SH2D4B: variants seen among roughly 807,000 people sequenced by gnomAD.
SH2D4B encodes SH2 domain-containing protein 4B.
In SH2D4B, 45 loss-of-function variants were observed where a neutral mutation model predicts 61.5. The ratio of observed to expected loss-of-function variants is 0.73; its 90% confidence interval spans 0.58 to 0.94. The LOEUF (loss-of-function observed/expected upper bound fraction) is 0.94, where lower values mean the gene tolerates loss of function less well. Among genes scored for constraint, SH2D4B ranks in the 40% least tolerant of loss-of-function variants. The pLI, the probability that SH2D4B is intolerant of heterozygous loss-of-function variation, is 0.00. For missense variants in SH2D4B, 572 were observed against 574.2 expected, an observed-to-expected ratio of 1.00 and a Z score of 0.04; for synonymous variants, 224 against 220.4, an observed-to-expected ratio of 1.02 and a Z score of -0.14.
intron 1 of SH2D4B, among the ~76,000 whole-genome samples, chr10:80,557,973 C>G (rs1841859291): frequency 6.6e-6 from 1 of 152,062 alleles, no homozygotes; most frequent in African/African-American, 2.4e-5. Flanking sequence ...GCATTTGATG[C>G]TATAAATGTC....
At position 80,569,531 on chromosome 10, in the gene SH2D4B, G is replaced by A. The variant is rs142076952; in HGVS notation, c.185-623G>A. Reference sequence around the variant, plus strand: ...GAATTTTGGGTTTCTTTTATGTTAAGGGAAGGGGGAAGAGGCGGGGGGGTT... The same window carrying A: ...GAATTTTGGGTTTCTTTTATGTTAAAGGAAGGGGGAAGAGGCGGGGGGGTT... On this transcript the variant is annotated intron_variant, in intron 1 of 7. Coordinates refer to ENST00000646907, the MANE Select transcript of SH2D4B (RefSeq NM_001388272.1). Among the ~76,000 whole-genome samples the A allele has an allele frequency of 5.1e-3, 712 of 139,006 alleles. 8 individuals are homozygous for A. Among genetic ancestry groups the A allele is most frequent in the African/African-American group, 0.018 (682 of 38,620 alleles). The allele number at this position is 139,006 out of a possible 152,430, so 91.2% of individuals were successfully genotyped here.
At chr10:80,568,589 G>C (rs992997090) in intron 1 of SH2D4B, among the ~76,000 whole-genome samples, 2 of 152,274 alleles carry the variant, frequency 1.3e-5, no homozygotes, top group Non-Finnish European at 2.9e-5. Context: ...CTGACCTGCA[G>C]GTGCTGTGTG....
At chr10:80,599,874 C>T (rs1842431068) in intron 4 of SH2D4B, among the ~76,000 whole-genome samples, 1 of 152,130 alleles carries the variant, frequency 6.6e-6, no homozygotes, top group Non-Finnish European at 1.5e-5. Context: ...GAGGCTTTTC[C>T]TGCTCACACT....
At chr10:80,609,326 T>C in intron 5 of SH2D4B, 98 bp from the exon 6 acceptor site, 1 of 866,414 alleles carries the variant, frequency 1.2e-6, no homozygotes. Context: ...TCCTTTTACC[T>C]TCCTCTCCCT....
chr10:80,636,989 T>G (rs1233161054), intron 7 of SH2D4B, among the ~76,000 whole-genome samples: 1 of 152,220 alleles, frequency 6.6e-6, no homozygotes, highest in Non-Finnish European at 1.5e-5. Context: ...AGGGATCCAG[T>G]TTCAGCTTTC....
At chr10:80,540,988 A>G in intron 1 of SH2D4B, 1 of 1,233,810 alleles carries the variant, frequency 8.1e-7, no homozygotes. Context: ...TTGAGAAAGA[A>G]CTCGGGAATG....
chr10:80,591,523 T>C (rs1842326636), intron 4 of SH2D4B, among the ~76,000 whole-genome samples: 1 of 150,320 alleles, frequency 6.7e-6, no homozygotes, highest in South Asian at 2.2e-4. Context: ...TTTTTTTTTT[T>C]TGAGTCGGAG....
At chr10:80,594,345 T>A (rs568912793) in intron 4 of SH2D4B, among the ~76,000 whole-genome samples, 5 of 152,362 alleles carry the variant, frequency 3.3e-5, no homozygotes, top group South Asian at 2.1e-4. Flanking sequence ...CCCACTTCTT[T>A]ATAGCATATA....
In SH2D4B at chr10:80,613,060, G is replaced by A. The variant is rs546052434; in HGVS notation, c.988+3509G>A. On this transcript the variant is annotated intron_variant, in intron 6 of 7. Transcript: ENST00000646907. ...GTTTCCTGATGTTTCCTGGGATCTG[G>A]GGTCAACCACCAGAGGCTCCTTTGG... Among the ~76,000 whole-genome samples, 4 of 152,266 alleles carry A rather than the reference G, an allele frequency of 2.6e-5. No individual in the cohort carries two copies. In the East Asian group the frequency reaches 5.8e-4, roughly 22 times the overall value.
intron 1 of SH2D4B, among the ~76,000 whole-genome samples, chr10:80,543,924 C>T (rs1455215623): frequency 3.9e-5 from 6 of 151,912 alleles, no homozygotes; most frequent in African/African-American, 1.5e-4. Context: ...TTTTGTCTAG[C>T]TCAGGGATTG....
At chr10:80,634,981 T>A (rs1842880498) in intron 7 of SH2D4B, among the ~76,000 whole-genome samples, 1 of 152,188 alleles carries the variant, frequency 6.6e-6, no homozygotes. Flanking sequence ...TTATTTGAAC[T>A]CCAGCTTAAC....
chr10:80,620,691 T>G (rs1443086633), intron 6 of SH2D4B, among the ~76,000 whole-genome samples: 1 of 152,192 alleles, frequency 6.6e-6, no homozygotes, highest in African/African-American at 2.4e-5. Flanking sequence ...TAACTCAGTC[T>G]CTCTTAGCCT....
At chr10:80,627,946 C>T (rs367767126) in intron 6 of SH2D4B, among the ~76,000 whole-genome samples, 6 of 152,156 alleles carry the variant, frequency 3.9e-5, no homozygotes, top group East Asian at 1.9e-4. Flanking sequence ...CACCCTGGAG[C>T]GTTGGCTGGT....
intron 4 of SH2D4B, among the ~76,000 whole-genome samples, chr10:80,596,560 A>G (rs930634915): frequency 1.3e-5 from 2 of 152,108 alleles, no homozygotes; most frequent in Admixed American, 6.5e-5. Flanking sequence ...AGCCTGTAGG[A>G]GGGATGTCTT....
chr10:80,598,476 C>T (rs901359466), intron 4 of SH2D4B, among the ~76,000 whole-genome samples: 2 of 152,164 alleles, frequency 1.3e-5, no homozygotes, highest in Non-Finnish European at 2.9e-5. Flanking sequence ...AGTTCCTCAT[C>T]TTAGCCTTTC....
Position 80,542,551 on chromosome 10 carries a change from C to T in SH2D4B, c.184+4036C>T, listed in dbSNP as rs142977279. Among the ~76,000 whole-genome samples, 721 of 152,030 alleles carry T rather than the reference C, an allele frequency of 4.7e-3. 17 individuals carry two copies. The highest frequency in any genetic ancestry group is 0.043 in the East Asian group (224 of 5,158). ...TAGCTGGGATTACAGGCGCCCACCA[C>T]CACAACCAGCTAATTTTTGTATTTA... On this transcript the variant is annotated intron_variant, in intron 1 of 7. Coordinates refer to ENST00000646907, the MANE Select transcript of SH2D4B (RefSeq NM_001388272.1).
intron 4 of SH2D4B, among the ~76,000 whole-genome samples, chr10:80,595,785 A>G (rs1842378675): frequency 6.6e-6 from 1 of 152,272 alleles, no homozygotes; most frequent in South Asian, 2.1e-4. Flanking sequence ...CAGTTCTTCA[A>G]TCCCTCCTTA....
At chr10:80,556,266 C>G (rs1051425238) in intron 1 of SH2D4B, among the ~76,000 whole-genome samples, 3 of 152,124 alleles carry the variant, frequency 2.0e-5, no homozygotes. Flanking sequence ...TTTCAGGACT[C>G]TCCATACTAT....
intron 3 of SH2D4B, among the ~76,000 whole-genome samples, chr10:80,573,495 T>G (rs942726233): frequency 1.1e-4 from 16 of 152,222 alleles, no homozygotes; most frequent in African/African-American, 3.6e-4. Context: ...TTCAACTAGT[T>G]TTCCTTCACT....
Sources: allele counts gnomAD v4.1 joint callset (sites outside exome capture counted in the v4.1 genomes callset), GRCh38; gene constraint gnomAD v4.1.1; transcripts MANE v1.5; gene names NCBI Gene and HGNC (gene_info 2026-07-23, HGNC 2026-07-21).